Variants in PTGIR observed in about 807,000 individuals in gnomAD.
PTGIR encodes the protein prostaglandin I2 receptor.
PTGIR carries 16 observed loss-of-function variants against 17.6 expected under a neutral mutation model. The ratio of observed to expected loss-of-function variants is 0.91; its 90% CI spans 0.61 to 1.38. The LOEUF is 1.38. Among genes scored for constraint, PTGIR ranks in the 40% most tolerant of loss-of-function variants. The probability of loss-of-function intolerance (pLI) is 0.00; values close to 1 mark genes in which losing one functional copy is unlikely to be tolerated. For missense variants in PTGIR, 532 were observed against 548.6 expected, an observed-to-expected ratio of 0.97 and a Z score of 0.30; for synonymous variants, 274 against 255.4, an observed-to-expected ratio of 1.07 and a Z score of -0.69.
chr19:46,619,113 C>T (rs1335923811), downstream of PTGIR, among the ~76,000 whole-genome samples: 1 of 152,072 alleles, frequency 6.6e-6, no homozygotes, highest in Non-Finnish European at 1.5e-5. Flanking sequence ...AGTGGATAGA[C>T]GGGCCTGCTC....
chr19:46,617,693 C>T (rs527757088), downstream of PTGIR, among the ~76,000 whole-genome samples: 101 of 152,260 alleles, frequency 6.6e-4, 1 homozygote, highest in Non-Finnish European at 1.5e-4. Context: ...GGTGAGCACC[C>T]TTCAATGCCC....
chr19:46,619,661 A>G (rs1306416272), downstream of PTGIR, among the ~76,000 whole-genome samples: 3 of 121,126 alleles, frequency 2.5e-5, no homozygotes, highest in African/African-American at 9.7e-5. Context: ...AAGAAAAGAA[A>G]GAAAGAAAGA....
At chr19:46,611,278 C>T in the PTGIR span, among the ~76,000 whole-genome samples, 27 of 152,308 alleles carry the variant, frequency 1.8e-4, no homozygotes, top group East Asian at 3.1e-3. Flanking sequence ...GTGAGAGCCC[C>T]GAGCAGCTTG....
In PTGIR at chr19:46,620,525, TA is replaced by T. The variant is rs904803178; in HGVS notation, c.*754del. On this transcript the variant is annotated 3_prime_UTR_variant, in exon 3 of 3. Coordinates refer to ENST00000291294, the MANE Select transcript of PTGIR (RefSeq NM_000960.4). ...GGACCCTGGGGACAGGCACAGGACT[TA>T]GGTTTGTGTTCTGGGGCAGTCCCTG... 1.6e-5 allele frequency: 16 copies of T among 985,294 alleles called. No homozygotes were observed. The African/African-American group carries it at 2.6e-4, about 16-fold the overall frequency. The allele number at this position is 985,294 out of a possible 1,614,324, so 61.0% of individuals were successfully genotyped here.
chr19:46,611,050 C>T, the PTGIR span, among the ~76,000 whole-genome samples: 2 of 152,218 alleles, frequency 1.3e-5, no homozygotes, highest in Admixed American at 1.3e-4. Flanking sequence ...GAAGGCTCCT[C>T]TGAGGCAGGC....
downstream of PTGIR, among the ~76,000 whole-genome samples, chr19:46,619,575 GAGAGAGAGAA>G (rs1362958386): frequency 7.8e-5 from 8 of 101,924 alleles, no homozygotes; most frequent in Non-Finnish European, 1.4e-4. Flanking sequence ...GAGAGAGAGA[GAGAGAGAGAA>G]AGAAAGAAAA....
chr19:46,623,776 G>A lies in PTGIR; in HGVS notation c.450C>T (p.Phe150=), dbSNP rs1415633938. ...CCAGGCCCAGCAGGGGCAGCGCGCA[G>A]AAGAGGACGCAGAAGGCGTAGATGG... The part of the protein sequence containing the change: ...LPAIYAFCVL[F]CALPLLGLGQ... The change falls in exon 2 of 3, where the codon TTC becomes TTT. Residue 150 remains phenylalanine (F), a synonymous_variant. Transcript: ENST00000291294. 6.2e-7 allele frequency: 1 copy of A among 1,606,084 alleles called. No homozygotes were observed. Among genetic ancestry groups the A allele is most frequent in the Non-Finnish European group, 8.5e-7 (1 of 1,178,050 alleles).
At chr19:46,618,014 A>ATTT (rs56961349), downstream of PTGIR, among the ~76,000 whole-genome samples, 6 of 112,768 alleles carry the variant, frequency 5.3e-5, no homozygotes, top group East Asian at 4.6e-4. Flanking sequence ...AATTTTTGTA[A>ATTT]TTTTTTTTTT....
chr19:46,619,064 G>A (rs1159371970), downstream of PTGIR, among the ~76,000 whole-genome samples: 1 of 152,192 alleles, frequency 6.6e-6, no homozygotes, highest in African/African-American at 2.4e-5. Flanking sequence ...TGCAAGCTAA[G>A]TGCTAGATTA....
intron 2 of PTGIR, chr19:46,622,053 GTC>G: frequency 1.0e-6 from 1 of 985,446 alleles, no homozygotes; most frequent in South Asian, 4.7e-5. Flanking sequence ...CGGCATCTGA[GTC>G]TCTGAGTCAG....
At chr19:46,617,113 C>G (rs563105584), downstream of PTGIR, among the ~76,000 whole-genome samples, 72 of 152,370 alleles carry the variant, frequency 4.7e-4, no homozygotes, top group African/African-American at 1.7e-3. Context: ...CAAAATGTCA[C>G]GGCCTCTTTG....
rs767052852 is a variant in PTGIR, at chr19:46,623,582, C to A, written c.644G>T (p.Arg215Leu). Residue 215 changes from arginine (R) to leucine (L), a missense_variant, in exon 2 of 3, where the codon CGC (arginine) becomes CTC (leucine). Coordinates refer to ENST00000291294, the MANE Select transcript of PTGIR (RefSeq NM_000960.4). ...SVTLSLCRMY[R>L]QQKRHQGSLG... ...AGAGCCCTGGTGGCGCTTCTGCTGG[C>A]GGTACATGCGGCAGAGGCTGAGGGT... 1.3e-6 allele frequency: 2 copies of A among 1,551,062 alleles called. No individual in the cohort carries two copies. Among genetic ancestry groups the A allele is most frequent in the South Asian group, 1.2e-5 (1 of 84,200 alleles).
downstream of PTGIR, among the ~76,000 whole-genome samples, chr19:46,619,653 G>A (rs866767868): frequency 5.1e-5 from 4 of 77,796 alleles, no homozygotes; most frequent in East Asian, 5.6e-4. Flanking sequence ...AAGAAAGAAA[G>A]AAAAGAAAGA....
chr19:46,620,860 G>C lies in PTGIR; in HGVS notation c.*420C>G, dbSNP rs1364074485. ...TGGCTCTTGGAGTGGCTTGGTAGAG[G>C]GGGAGGGCCATCCCCTGGGGACTTG... On this transcript the variant is annotated 3_prime_UTR_variant, in exon 3 of 3. Transcript: ENST00000291294. 2.0e-6 allele frequency: 2 copies of C among 990,692 alleles called. No individual in the cohort carries two copies. Among genetic ancestry groups the C allele is most frequent in the East Asian group, 1.1e-4 (1 of 9,098 alleles). The allele number at this position is 990,692 out of a possible 1,614,324, so 61.4% of individuals were successfully genotyped here.
At chr19:46,618,425 C>T (rs1326840965), downstream of PTGIR, among the ~76,000 whole-genome samples, 3 of 152,240 alleles carry the variant, frequency 2.0e-5, no homozygotes, top group South Asian at 2.1e-4. Flanking sequence ...GTTGGGATTA[C>T]AGGTGTTAGC....
chr19:46,619,813 AAC>A (rs1972033509), downstream of PTGIR, among the ~76,000 whole-genome samples: 1 of 152,094 alleles, frequency 6.6e-6, no homozygotes. Context: ...TTTTTGTTTT[AAC>A]AGAGGGGGAG....
chr19:46,624,373 G>C (rs11668478), intron 1 of PTGIR, 136 bp from the exon 2 acceptor site: 3 of 710,280 alleles, frequency 4.2e-6, no homozygotes, highest in Admixed American at 3.6e-5. Context: ...CTGTGTGTGC[G>C]GGTATGCAGT....
Position 46,620,900 on chromosome 19 carries a change from G to A in PTGIR, c.*380C>T. 2.0e-6 allele frequency: 2 copies of A among 998,460 alleles called. No homozygotes were observed. The highest frequency in any genetic ancestry group is 2.4e-6 in the Non-Finnish European group (2 of 838,808). 61.9% of individuals were successfully genotyped at this position (998,460 alleles called of 1,614,324 possible). Reference sequence around the variant, plus strand: ...CTGGGGACTTGGGGTGGGCAGTTGGGCCTCCTAAGTGGACGCAGATTGGAG... The same window carrying A: ...CTGGGGACTTGGGGTGGGCAGTTGGACCTCCTAAGTGGACGCAGATTGGAG... On this transcript the variant is annotated 3_prime_UTR_variant, in exon 3 of 3. Coordinates refer to ENST00000291294, the MANE Select transcript of PTGIR (RefSeq NM_000960.4).
In PTGIR at chr19:46,620,807, C is replaced by G. The variant is rs548956903; in HGVS notation, c.*473G>C. The G allele has an allele frequency of 6.1e-6, 6 of 986,448 alleles. No individual in the cohort carries two copies. The South Asian group carries it at 1.4e-4, about 23-fold the overall frequency. The allele number at this position is 986,448 out of a possible 1,614,324, so 61.1% of individuals were successfully genotyped here. On this transcript the variant is annotated 3_prime_UTR_variant, in exon 3 of 3. Coordinates refer to ENST00000291294, the MANE Select transcript of PTGIR (RefSeq NM_000960.4). Reference sequence around the variant, plus strand: ...GGAAGGCAGGGAGCTTTTCCAATAACTGTGGTTTTTGTGGAGCAGAAAGGG... The same window carrying G: ...GGAAGGCAGGGAGCTTTTCCAATAAGTGTGGTTTTTGTGGAGCAGAAAGGG...
Sources: gnomAD v4.1 joint callset for allele counts (sites outside exome capture counted in the v4.1 genomes callset) on GRCh38, gnomAD v4.1.1 for gene constraint, MANE v1.5 for transcripts, NCBI Gene and HGNC (gene_info 2026-07-23, HGNC 2026-07-21) for gene names.